The following PCDHGB5 variants were observed in gnomAD, a reference collection of about 807,000 sequenced individuals.
PCDHGB5 encodes the protein protocadherin gamma subfamily B, 5.
Under a neutral mutation model 62.9 loss-of-function variants are expected in PCDHGB5, and 48 were observed. That is an observed-to-expected ratio of 0.76 (90% CI 0.61 to 0.97). The LOEUF is 0.97. PCDHGB5 is among the 50% of genes least tolerant of loss of function. PCDHGB5 has a pLI of 0.00. For synonymous variants in PCDHGB5, 474 were observed against 511.2 expected (o/e 0.93, Z 0.98); for missense variants, 1,118 against 1,198.6 (o/e 0.93, Z 0.99).
At chr5:141,466,549 T>C (rs778708029) in intron 1 of PCDHGB5, among the ~76,000 whole-genome samples, 2 of 152,244 alleles carry the variant, frequency 1.3e-5, no homozygotes, top group African/African-American at 2.4e-5. Flanking sequence ...GGTCTTTTGC[T>C]GTGGGCTTCA....
At chr5:141,401,033 C>T (rs1437899833) in intron 1 of PCDHGB5, among the ~76,000 whole-genome samples, 1 of 152,016 alleles carries the variant, frequency 6.6e-6, no homozygotes, top group Non-Finnish European at 1.5e-5. Context: ...TTTGAATCTC[C>T]TAAAATTTTA....
At chr5:141,481,318 A>C (rs758947998) in intron 1 of PCDHGB5, among the ~76,000 whole-genome samples, 6 of 152,216 alleles carry the variant, frequency 3.9e-5, no homozygotes, top group Non-Finnish European at 8.8e-5. Context: ...TTCCTAAAGC[A>C]CTAGCCCCTG....
At chr5:141,445,420 T>C (rs968387442) in intron 1 of PCDHGB5, among the ~76,000 whole-genome samples, 3 of 152,204 alleles carry the variant, frequency 2.0e-5, no homozygotes, top group Admixed American at 6.5e-5. Context: ...GTCTGCTATA[T>C]GCAAGGCACT....
rs1165142153 is a variant in PCDHGB5 at position 141,402,786 on chromosome 5, G to A, written c.2397+2262G>A. On this transcript the variant is annotated intron_variant, in intron 1 of 3. Transcript: ENST00000617380. ...ACTCCATCCGGATTTCCAGTTCTGC[G>A]GCTACACAAAACCCGGCAGATACCA... 3.3e-6 allele frequency: 3 copies of A among 907,574 alleles called. No homozygotes were observed. The African/African-American group carries it at 5.0e-5, about 15-fold the overall frequency. 56.2% of individuals were successfully genotyped at this position (907,574 alleles called of 1,614,324 possible).
intron 1 of PCDHGB5, among the ~76,000 whole-genome samples, chr5:141,483,638 G>A (rs1159840764): frequency 1.4e-5 from 2 of 147,222 alleles, no homozygotes; most frequent in South Asian, 2.1e-4. Flanking sequence ...AGGTATAGAG[G>A]GGTGTGTGTT....
At chr5:141,418,935 A>T (rs1424307952) in intron 1 of PCDHGB5, 2 of 1,613,834 alleles carry the variant, frequency 1.2e-6, no homozygotes, top group Admixed American at 3.3e-5. Context: ...ATTATGGAGG[A>T]TTCCCCTCCA....
intron 1 of PCDHGB5, chr5:141,478,473 A>G (rs2099458384): frequency 6.2e-7 from 1 of 1,613,742 alleles, no homozygotes; most frequent in African/African-American, 1.3e-5. Context: ...GCCAGCCGCC[A>G]GAACACGCTG....
chr5:141,463,644 G>C (rs1356692609), intron 1 of PCDHGB5, among the ~76,000 whole-genome samples: 1 of 151,596 alleles, frequency 6.6e-6, no homozygotes, highest in Non-Finnish European at 1.5e-5. Context: ...GTAGAGACGG[G>C]GTTTCACCGT....
intron 1 of PCDHGB5, chr5:141,422,797 G>A (rs1037091316): frequency 2.5e-6 from 4 of 1,614,244 alleles, no homozygotes; most frequent in Non-Finnish European, 3.4e-6. Context: ...CTTCGACTAT[G>A]AGCAGTTTCG....
chr5:141,418,523 C>G (rs2096266495), intron 1 of PCDHGB5: 1 of 1,613,958 alleles, frequency 6.2e-7, no homozygotes, highest in Non-Finnish European at 8.5e-7. Context: ...GGACCCTCCC[C>G]GAAGCGGTAC....
At chr5:141,448,200 T>C (rs2098574351) in intron 1 of PCDHGB5, among the ~76,000 whole-genome samples, 1 of 152,156 alleles carries the variant, frequency 6.6e-6, no homozygotes, top group Non-Finnish European at 1.5e-5. Context: ...CTTACAAACA[T>C]TTTCTGTGTG....
At chr5:141,409,243 AATC>A in intron 1 of PCDHGB5, 1 of 1,614,032 alleles carries the variant, frequency 6.2e-7, no homozygotes, top group South Asian at 1.1e-5. Context: ...GCCCAGAAAT[AATC>A]ATCACTTCTC....
At chr5:141,463,460 T>TTC (rs573961569) in intron 1 of PCDHGB5, among the ~76,000 whole-genome samples, 28 of 136,126 alleles carry the variant, frequency 2.1e-4, no homozygotes, top group Admixed American at 4.4e-4. Context: ...TTTTTTTTTT[T>TTC]TTTTTTGAGA....
At chr5:141,421,147 G>A in intron 1 of PCDHGB5, 1 of 1,019,036 alleles carries the variant, frequency 9.8e-7, no homozygotes, top group South Asian at 1.7e-5. Context: ...GGATGTAGTC[G>A]GCCTAGGACT....
chr5:141,464,898 C>T (rs969877255), intron 1 of PCDHGB5, among the ~76,000 whole-genome samples: 4 of 151,958 alleles, frequency 2.6e-5, no homozygotes, highest in African/African-American at 4.8e-5. Flanking sequence ...GCCACCATGT[C>T]CAGCTAATTT....
chr5:141,484,549 G>A (rs939394402), intron 1 of PCDHGB5, among the ~76,000 whole-genome samples: 1 of 152,162 alleles, frequency 6.6e-6, no homozygotes, highest in African/African-American at 2.4e-5. Context: ...GTTCTAATTA[G>A]CAGTTGCTCC....
chr5:141,432,635 G>C lies in PCDHGB5; in HGVS notation c.2397+32111G>C, dbSNP rs754354737. On this transcript the variant is annotated intron_variant, in intron 1 of 3. Transcript: ENST00000617380. The surrounding 1 kb of genome is among the most constrained non-coding windows in gnomAD (Gnocchi z 6.0). ...CTCGGTGGGTCTGCACACGGGCGAG[G>C]TGCGCACGGCGCGAGCCCTGCTGGA... The C allele has an allele frequency of 5.6e-6, 9 of 1,612,886 alleles. No individual in the cohort carries two copies. Among genetic ancestry groups the C allele is most frequent in the Non-Finnish European group, 7.6e-6 (9 of 1,179,742 alleles).
intron 1 of PCDHGB5, chr5:141,415,272 A>G (rs771588742): frequency 1.3e-5 from 21 of 1,614,208 alleles, no homozygotes; most frequent in African/African-American, 9.3e-5. Context: ...ACCTGGTGGT[A>G]GCGGTGGCCG....
Position 141,476,176 on chromosome 5 carries a change from G to C in PCDHGB5, c.2398-18631G>C, listed in dbSNP as rs778169270. 1 of 1,613,530 alleles carries C rather than the reference G, an allele frequency of 6.2e-7. No homozygotes were observed. The highest frequency in any genetic ancestry group is 8.5e-7 in the Non-Finnish European group (1 of 1,180,006). On this transcript the variant is annotated intron_variant, in intron 1 of 3. Transcript: ENST00000617380. The surrounding 1 kb of genome is among the most constrained non-coding windows in gnomAD (Gnocchi z 7.6). ...GCACCGGGAGGGTAGTGGGAGTTTT[G>C]CTTCTGCTTGGTGCCTTGAACAAGG...
Sources: gnomAD v4.1 joint callset for allele counts (sites outside exome capture counted in the v4.1 genomes callset) on GRCh38, gnomAD v4.1.1 for gene constraint, Gnocchi (gnomAD v3.1) non-coding constraint, MANE v1.5 for transcripts, NCBI Gene and HGNC (gene_info 2026-07-23, HGNC 2026-07-21) for gene names.